The following TPGS1 variants were observed in gnomAD, a reference collection of about 807,000 sequenced individuals.
TPGS1 encodes gene trap ROSA b-geo 22.
In TPGS1, 18 loss-of-function variants were observed where a neutral mutation model predicts 11.9. The ratio of observed to expected loss-of-function variants is 1.51; its 90% CI spans 1.04 to 2.24. The LOEUF (loss-of-function observed/expected upper bound fraction) is 2.24. TPGS1 is among the 30% of genes most tolerant of loss of function. TPGS1 has a pLI of 0.00. For missense variants in TPGS1, 500 were observed against 443.0 expected (o/e 1.13, Z -1.16); for synonymous variants, 247 against 218.2 (o/e 1.13, Z -1.16).
At chr19:510,740 G>C (rs1205169340) in intron 1 of TPGS1, among the ~76,000 whole-genome samples, 1 of 152,192 alleles carries the variant, frequency 6.6e-6, no homozygotes, top group African/African-American at 2.4e-5. Flanking sequence ...CCACCACGTT[G>C]CTCATCCTGG....
At position 519,133 on chromosome 19, in the gene TPGS1, G is replaced by C; in HGVS notation, c.583G>C (p.Val195Leu). 4 of 1,519,472 alleles carry C rather than the reference G, an allele frequency of 2.6e-6. No homozygotes were observed. Among genetic ancestry groups the C allele is most frequent in the African/African-American group, 1.4e-5 (1 of 70,028 alleles). The allele number at this position is 1,519,472 out of a possible 1,614,324, so 94.1% of individuals were successfully genotyped here. The stretch of plus-strand genomic sequence containing the variant: ...CACCTGCTTCGTGCTGCTGGAGTTC[G>C]TGGCGCGCGCCGGCGCGCTCTTCCA... ...TLTCFVLLEF[V>L]ARAGALFQLL... Residue 195 changes from valine to leucine, a missense_variant, in exon 2 of 2, where the codon GTG (valine) becomes CTG (leucine). Transcript: ENST00000359315.
At chr19:510,140 G>C (rs1014450705) in intron 1 of TPGS1, 5 of 152,100 alleles carry the variant, frequency 3.3e-5, no homozygotes, top group Non-Finnish European at 7.3e-5. Flanking sequence ...TTGGGAGGCC[G>C]AGGCGGGCGG....
At chr19:513,291 C>T (rs1044707853) in intron 1 of TPGS1, among the ~76,000 whole-genome samples, 1 of 152,160 alleles carries the variant, frequency 6.6e-6, no homozygotes, top group African/African-American at 2.4e-5. Context: ...GTAAAAGCGC[C>T]CAGCGGATTA....
Position 507,833 on chromosome 19 carries a change from C to T in TPGS1, c.327C>T (p.His109=). ...GRALWHLRLA[H]HSQRAAFNNN... ...CGCTATGGCACCTTCGCCTGGCCCA[C>T]CACTCCCAGAGGTGCGCAGTGGGCC... is the stretch of plus-strand genomic sequence containing the variant. Residue 109 remains histidine (H), a synonymous_variant, in exon 1 of 2, where the codon CAC becomes CAT. Transcript: ENST00000359315. 7.4e-7 allele frequency: 1 copy of T among 1,348,304 alleles called. No individual in the cohort carries two copies. The highest frequency in any genetic ancestry group is 9.5e-7 in the Non-Finnish European group (1 of 1,052,354). 83.5% of individuals were successfully genotyped at this position (1,348,304 alleles called of 1,614,324 possible). A position where few individuals can be genotyped will look rare whatever the true frequency, so the allele number is the denominator to read the frequency against.
At chr19:516,240 G>A (rs545514001) in intron 1 of TPGS1, among the ~76,000 whole-genome samples, 19 of 152,206 alleles carry the variant, frequency 1.2e-4, no homozygotes, top group African/African-American at 4.6e-4. Context: ...CGGCTCAGCT[G>A]GACATACATC....
chr19:507,756 G>A lies in TPGS1; in HGVS notation c.250G>A (p.Ala84Thr). 7.2e-7 allele frequency: 1 copy of A among 1,396,396 alleles called. No individual in the cohort carries two copies. The highest frequency in any genetic ancestry group is 9.3e-7 in the Non-Finnish European group (1 of 1,076,494). 86.5% of individuals were successfully genotyped at this position (1,396,396 alleles called of 1,614,324 possible). ...MGLRSPVNGG[A>T]GEPPGQLLLQ... Reference sequence around the variant, plus strand: ...CCTGCGCTCGCCTGTAAACGGCGGCGCCGGGGAGCCCCCGGGCCAGCTCCT... The same window carrying A: ...CCTGCGCTCGCCTGTAAACGGCGGCACCGGGGAGCCCCCGGGCCAGCTCCT... Residue 84 changes from alanine (A) to threonine (T), a missense_variant, in exon 1 of 2, where the codon GCC becomes ACC. Coordinates refer to ENST00000359315, the MANE Select transcript of TPGS1 (RefSeq NM_033513.3).
intron 1 of TPGS1, among the ~76,000 whole-genome samples, chr19:516,653 G>C (rs1978964583): frequency 6.6e-6 from 1 of 152,194 alleles, no homozygotes; most frequent in Non-Finnish European, 1.5e-5. Flanking sequence ...AAAGTGCTGG[G>C]ATTACAGGCG....
At chr19:512,402 ATCC>A (rs1978822913) in intron 1 of TPGS1, among the ~76,000 whole-genome samples, 1 of 152,036 alleles carries the variant, frequency 6.6e-6, no homozygotes, top group African/African-American at 2.4e-5. Context: ...GACTCAAGCA[ATCC>A]TCCTGCCTCG....
chr19:511,994 C>G (rs8107836), intron 1 of TPGS1, among the ~76,000 whole-genome samples: 45,534 of 151,836 alleles, frequency 0.3, 7,515 homozygotes, highest in African/African-American at 0.43. Flanking sequence ...GCCTCAGCCT[C>G]CCGAGTAGCT....
At chr19:507,928 G>A in intron 1 of TPGS1, 84 bp downstream of exon 1, 1 of 1,098,422 alleles carries the variant, frequency 9.1e-7, no homozygotes, top group Non-Finnish European at 1.2e-6. Flanking sequence ...TACCCGCAGC[G>A]CCGGCGCAGG....
chr19:512,209 C>T (rs1018954027), intron 1 of TPGS1, among the ~76,000 whole-genome samples: 1 of 152,018 alleles, frequency 6.6e-6, no homozygotes, highest in African/African-American at 2.4e-5. Context: ...TGTCACGCAG[C>T]CTGCAGTGCA....
intron 1 of TPGS1, among the ~76,000 whole-genome samples, chr19:516,043 A>G (rs1978944602): frequency 7.6e-6 from 1 of 131,338 alleles, no homozygotes; most frequent in Non-Finnish European, 1.8e-5. Flanking sequence ...AAAAAAAAAA[A>G]AAAAGGAAGA....
chr19:517,400 G>C (rs1285077031), intron 1 of TPGS1, among the ~76,000 whole-genome samples: 1 of 12,318 alleles, frequency 8.1e-5, no homozygotes, highest in Admixed American at 8.9e-4. Context: ...GAGGGGGGAG[G>C]CCAGGCTGGG....
rs1161569494 is a variant in TPGS1, at chr19:507,608, C to T, written c.102C>T (p.Ser34=). The change falls in exon 1 of 2, where the codon AGC becomes AGT. Residue 34 remains serine, a synonymous_variant. Transcript: ENST00000359315. ...SVSRAAGAAE[S]EEDFLRQVGV... is the part of the protein sequence containing the mutation. ...CCCGGGCGGCGGGGGCGGCCGAGAG[C>T]GAGGAGGACTTCCTGCGGCAGGTCG... 1.4e-6 allele frequency: 2 copies of T among 1,397,680 alleles called. No individual in the cohort carries two copies. Among genetic ancestry groups the T allele is most frequent in the East Asian group, 3.0e-5 (1 of 33,582 alleles). The allele number at this position is 1,397,680 out of a possible 1,614,324, so 86.6% of individuals were successfully genotyped here.
intron 1 of TPGS1, 59 bp downstream of exon 1, chr19:507,903 C>G: frequency 2.4e-6 from 3 of 1,242,648 alleles, no homozygotes; most frequent in Non-Finnish European, 2.0e-6. Flanking sequence ...TCCCAGCATG[C>G]CGCGCGCGGC....
chr19:511,483 T>C (rs1978793397), intron 1 of TPGS1, among the ~76,000 whole-genome samples: 1 of 152,216 alleles, frequency 6.6e-6, no homozygotes, highest in Non-Finnish European at 1.5e-5. Flanking sequence ...CCCACACGTA[T>C]GCCAGCTGCT....
At chr19:511,719 G>A (rs1013638349) in intron 1 of TPGS1, among the ~76,000 whole-genome samples, 1 of 152,286 alleles carries the variant, frequency 6.6e-6, no homozygotes, top group African/African-American at 2.4e-5. Context: ...GAGCATTTAT[G>A]CAGAAGTGGT....
intron 1 of TPGS1, among the ~76,000 whole-genome samples, chr19:517,052 G>A (rs72970277): frequency 6.6e-6 from 1 of 152,098 alleles, no homozygotes; most frequent in Non-Finnish European, 1.5e-5. Context: ...ACTGTGGGCA[G>A]GGCAGTGTTC....
chr19:519,056 A>T lies in TPGS1; in HGVS notation c.506A>T (p.Gln169Leu), dbSNP rs940739519. 8 of 1,542,878 alleles carry T rather than the reference A, an allele frequency of 5.2e-6. No homozygotes were observed. Among genetic ancestry groups the T allele is most frequent in the Non-Finnish European group, 7.0e-6 (8 of 1,150,798 alleles). Reference sequence around the variant, plus strand: ...GTGGCGCCGCTGCTGCGCAAGGTGCAGTGCCGTGACCACGAGGCGGTGCCG... The same window carrying T: ...GTGGCGCCGCTGCTGCGCAAGGTGCTGTGCCGTGACCACGAGGCGGTGCCG... ...EVVAPLLRKV[Q>L]CRDHEAVPLS... Residue 169 changes from glutamine (Q) to leucine (L), a missense_variant, in exon 2 of 2, where the codon CAG becomes CTG. By Grantham distance (113) the Gln-to-Leu change is moderately radical. Transcript: ENST00000359315.
Sources: gnomAD v4.1 joint callset for allele counts (sites outside exome capture counted in the v4.1 genomes callset) on GRCh38, gnomAD v4.1.1 for gene constraint, MANE v1.5 for transcripts, NCBI Gene and HGNC (gene_info 2026-07-23, HGNC 2026-07-21) for gene names.